ANKFN1: variants seen among roughly 807,000 people sequenced by gnomAD.
ANKFN1 encodes ankyrin repeat and fibronectin type III domain containing 1.
In ANKFN1, 74 loss-of-function variants were observed where a neutral mutation model predicts 108.7. The observed-to-expected ratio is 0.68, with a 90% CI of 0.56 to 0.83. The LOEUF (loss-of-function observed/expected upper bound fraction) is 0.83, where lower values mean the gene tolerates loss of function less well. Ranked by LOEUF, ANKFN1 falls within the 40% of genes least tolerant of loss-of-function variation. The probability of loss-of-function intolerance (pLI) is 0.00; values close to 1 mark genes in which losing one functional copy is unlikely to be tolerated. For synonymous variants in ANKFN1, 547 were observed against 516.2 expected (o/e 1.06, Z -0.81); for missense variants, 1,505 against 1,382.3 (o/e 1.09, Z -1.41).
chr17:56,308,033 A>T (rs2044886544), intron 3 of ANKFN1, among the ~76,000 whole-genome samples: 1 of 152,194 alleles, frequency 6.6e-6, no homozygotes, highest in Admixed American at 6.5e-5. Context: ...TGGGAATTGA[A>T]CAATGAGAAC....
rs142082912 is a variant in ANKFN1, at chr17:56,178,059, G to A, written c.-71+24529G>A. Among the ~76,000 whole-genome samples the A allele has an allele frequency of 2.1e-4, 32 of 152,210 alleles. No homozygotes were observed. The East Asian group carries it at 6.2e-3, about 29-fold the overall frequency. On this transcript the variant is annotated intron_variant, in intron 1 of 20. Transcript: ENST00000682825. ...TTAAAATTGATTGCCAGTCTTTTGG[G>A]GGTAGCAGGATGTCATTCGCCCTCC...
rs141828240 is a variant in ANKFN1 at position 56,143,983 on chromosome 17, G to A, written c.289-83934G>A. On this transcript the variant is annotated intron_variant, in intron 4 of 12. Transcript: ENST00000635860. ...TGGAGGCTTTTTCAAGCCACCAAGT[G>A]TGTGATAATCTGCTATAGTAACCCT... is the stretch of plus-strand genomic sequence containing the variant. Among the ~76,000 whole-genome samples the A allele has an allele frequency of 1.6e-3, 242 of 152,132 alleles. 1 individual carries two copies. Among genetic ancestry groups the A allele is most frequent in the African/African-American group, 5.4e-3 (226 of 41,512 alleles).
chr17:56,199,888 A>C (rs1913890378), intron 1 of ANKFN1, among the ~76,000 whole-genome samples: 1 of 152,214 alleles, frequency 6.6e-6, no homozygotes, highest in South Asian at 2.1e-4. Context: ...TGGCAACCCT[A>C]GTGCCAGTTC....
rs2050658165 is a variant in ANKFN1, at chr17:56,480,529, GT to G, written c.1941-137del. The G allele has an allele frequency of 4.4e-6, 4 of 917,400 alleles. No homozygotes were observed. In the Admixed American group the frequency reaches 1.1e-4, roughly 24 times the overall value. The allele number at this position is 917,400 out of a possible 1,614,324, so 56.8% of individuals were successfully genotyped here. On this transcript the variant is annotated intron_variant, in intron 16 of 20. Transcript: ENST00000682825. ...TTAAGCTCCATTTGGGTGGCAAAAT[GT>G]TCAAATTTCATGAATTACACTGAGT...
intron 1 of ANKFN1, among the ~76,000 whole-genome samples, chr17:56,185,759 C>T (rs1912136724): frequency 6.6e-6 from 1 of 152,200 alleles, no homozygotes; most frequent in South Asian, 2.1e-4. Context: ...GGACTTGTAC[C>T]AATCTACGAG....
At chr17:56,183,283 G>A (rs1325176141) in intron 1 of ANKFN1, among the ~76,000 whole-genome samples, 1 of 152,060 alleles carries the variant, frequency 6.6e-6, no homozygotes, top group African/African-American at 2.4e-5. Flanking sequence ...ACAAAATTCT[G>A]GAAAGGATTC....
chr17:56,216,567 G>C (rs1915438852), intron 2 of ANKFN1, among the ~76,000 whole-genome samples: 1 of 152,232 alleles, frequency 6.6e-6, no homozygotes, highest in African/African-American at 2.4e-5. Context: ...CATTGAAGTG[G>C]CTAGTGCAGA....
At chr17:56,293,393 A>G (rs1309105791) in intron 3 of ANKFN1, among the ~76,000 whole-genome samples, 1 of 152,162 alleles carries the variant, frequency 6.6e-6, no homozygotes, top group Non-Finnish European at 1.5e-5. Context: ...ACAACTTTTC[A>G]GGTTTGGTGT....
chr17:56,306,399 G>C (rs1269833654), intron 3 of ANKFN1, among the ~76,000 whole-genome samples: 6 of 152,140 alleles, frequency 3.9e-5, no homozygotes, highest in Non-Finnish European at 8.8e-5. Context: ...TAAGATTTAT[G>C]TGCAAAAATC....
intron 3 of ANKFN1, among the ~76,000 whole-genome samples, chr17:56,237,869 G>T (rs147636988): frequency 6.6e-6 from 1 of 151,896 alleles, no homozygotes; most frequent in Non-Finnish European, 1.5e-5. Context: ...TGTGATGTTA[G>T]GTTGTTAATT....
At chr17:56,198,663 A>C (rs1913749951) in intron 1 of ANKFN1, among the ~76,000 whole-genome samples, 2 of 152,170 alleles carry the variant, frequency 1.3e-5, no homozygotes, top group Non-Finnish European at 2.9e-5. Flanking sequence ...CTATGAGGTA[A>C]AAATTACCAT....
chr17:56,426,154 G>A (rs1042219381), intron 8 of ANKFN1, among the ~76,000 whole-genome samples: 1 of 152,090 alleles, frequency 6.6e-6, no homozygotes, highest in African/African-American at 2.4e-5. Context: ...CTGTCTATGG[G>A]CCAAGTACCT....
chr17:56,224,520 A>C (rs940412670), intron 2 of ANKFN1: 1 of 152,228 alleles, frequency 6.6e-6, no homozygotes, highest in Non-Finnish European at 1.5e-5. Flanking sequence ...GCATTGATGC[A>C]ACTTTTTACA....
At chr17:56,486,227 A>G (rs1327048276) in intron 18 of ANKFN1, among the ~76,000 whole-genome samples, 1 of 152,206 alleles carries the variant, frequency 6.6e-6, no homozygotes, top group Non-Finnish European at 1.5e-5. Flanking sequence ...TTGTTGCCAT[A>G]TCATTGGTAA....
At chr17:56,266,668 A>C (rs2043660677) in intron 3 of ANKFN1, among the ~76,000 whole-genome samples, 1 of 152,190 alleles carries the variant, frequency 6.6e-6, no homozygotes, top group Non-Finnish European at 1.5e-5. Flanking sequence ...TTGAATGTCA[A>C]TAAATGAAAC....
chr17:56,480,727 A>C lies in ANKFN1; in HGVS notation c.2000A>C (p.His667Pro). The C allele has an allele frequency of 6.2e-7, 1 of 1,613,988 alleles. No homozygotes were observed. The highest frequency in any genetic ancestry group is 8.5e-7 in the Non-Finnish European group (1 of 1,179,944). Residue 667 changes from histidine (H) to proline (P), a missense_variant, in exon 17 of 21, where the codon CAT becomes CCT. His to Pro is a moderately conservative substitution (Grantham distance 77). Transcript: ENST00000682825. ...SGSESMESVD[H>P]TSDCPMQLFF... Reference sequence around the variant, plus strand: ...TCTGAATCTATGGAAAGTGTGGATCATACTTCTGACTGCCCCATGCAATTG... The same window carrying C: ...TCTGAATCTATGGAAAGTGTGGATCCTACTTCTGACTGCCCCATGCAATTG...
chr17:56,330,461 G>A (rs2045632911), intron 4 of ANKFN1, among the ~76,000 whole-genome samples: 1 of 152,134 alleles, frequency 6.6e-6, no homozygotes, highest in Non-Finnish European at 1.5e-5. Flanking sequence ...AGATTTGGGT[G>A]GAGACACAGC....
intron 8 of ANKFN1, among the ~76,000 whole-genome samples, chr17:56,430,560 AAT>A (rs2048723239): frequency 6.6e-6 from 1 of 150,874 alleles, no homozygotes; most frequent in Admixed American, 6.6e-5. Context: ...GTGAGAGATG[AAT>A]ATGTTAATTG....
At chr17:56,183,686 C>A (rs943529500) in intron 1 of ANKFN1, among the ~76,000 whole-genome samples, 1 of 152,140 alleles carries the variant, frequency 6.6e-6, no homozygotes, top group Non-Finnish European at 1.5e-5. Context: ...GCTTCCTATA[C>A]AGCCTGAAGA....
Sources: gnomAD v4.1 joint callset for allele counts (sites outside exome capture counted in the v4.1 genomes callset) on GRCh38, gnomAD v4.1.1 for gene constraint, MANE v1.5 for transcripts, NCBI Gene and HGNC (gene_info 2026-07-23, HGNC 2026-07-21) for gene names.